The following TRPC1 variants were observed in gnomAD, a reference collection of about 807,000 sequenced individuals.
TRPC1 encodes transient receptor potential cation channel subfamily C member 1, also known as short transient receptor potential channel 1.
A neutral mutation model predicts 88.2 loss-of-function variants in TRPC1; 42 were observed. The ratio of observed to expected loss-of-function variants is 0.48; its 90% CI spans 0.37 to 0.62. The LOEUF is 0.62. Ranked by LOEUF, TRPC1 falls within the 20% of genes least tolerant of loss-of-function variation. The pLI is 0.00. For missense variants in TRPC1, 699 were observed against 957.3 expected (o/e 0.73, Z 3.56); for synonymous variants, 288 against 331.8 (o/e 0.87, Z 1.43).
At chr3:142,779,765 T>C (rs1935899869) in intron 5 of TRPC1, among the ~76,000 whole-genome samples, 1 of 152,196 alleles carries the variant, frequency 6.6e-6, no homozygotes, top group African/African-American at 2.4e-5. Flanking sequence ...AACATTATTT[T>C]CTGAAGCCCA....
intron 4 of TRPC1, among the ~76,000 whole-genome samples, chr3:142,771,833 T>A (rs1935590503): frequency 6.6e-6 from 1 of 152,212 alleles, no homozygotes; most frequent in African/African-American, 2.4e-5. Flanking sequence ...CTTGCTTTTA[T>A]ATTTATTGTA....
Position 142,794,256 on chromosome 3 carries a change from GA to G in TRPC1, c.1581+1290del, listed in dbSNP as rs140854870. Reference sequence around the variant, plus strand: ...TCTACAGTGTTTTTACATGCACATTGATTTTTTTTTAACTGAAAATGGACGA... The same window carrying G: ...TCTACAGTGTTTTTACATGCACATTGTTTTTTTTTAACTGAAAATGGACGA... On this transcript the variant is annotated intron_variant, in intron 9 of 12. Transcript: ENST00000476941. Among the ~76,000 whole-genome samples, 698 of 151,948 alleles carry G rather than the reference GA, an allele frequency of 4.6e-3. 25 individuals are homozygous for G. In the East Asian group the frequency reaches 0.089, roughly 19 times the overall value.
intron 9 of TRPC1, chr3:142,793,897 C>A (rs991221454): frequency 4.1e-6 from 4 of 985,120 alleles, no homozygotes; most frequent in Non-Finnish European, 4.8e-6. Flanking sequence ...GTGCTGTCAT[C>A]CAGCAACAGT....
chr3:142,771,312 T>C (rs1334373381), intron 4 of TRPC1, among the ~76,000 whole-genome samples: 2 of 152,180 alleles, frequency 1.3e-5, no homozygotes, highest in African/African-American at 4.8e-5. Context: ...TCATATATAT[T>C]GTAACTTGTC....
At chr3:142,769,888 G>A (rs1289653286) in intron 4 of TRPC1, among the ~76,000 whole-genome samples, 1 of 151,974 alleles carries the variant, frequency 6.6e-6, no homozygotes, top group Admixed American at 6.6e-5. Flanking sequence ...TGTCTGTTAC[G>A]TCTAGTTCAT....
At chr3:142,800,310 C>T (rs551073866) in intron 9 of TRPC1, among the ~76,000 whole-genome samples, 4 of 152,290 alleles carry the variant, frequency 2.6e-5, no homozygotes, top group African/African-American at 9.6e-5. Flanking sequence ...AAAAGTACCA[C>T]ATGGTCTAGT....
chr3:142,788,019 G>A (rs190702672), intron 7 of TRPC1, among the ~76,000 whole-genome samples: 68 of 152,286 alleles, frequency 4.5e-4, no homozygotes, highest in Admixed American at 1.6e-3. Flanking sequence ...GGAGAACCAG[G>A]AGAGCTTGAT....
intron 3 of TRPC1, 54 bp from the exon 4 acceptor site, chr3:142,748,204 T>C: frequency 7.1e-7 from 1 of 1,411,018 alleles, no homozygotes; most frequent in South Asian, 1.2e-5. Flanking sequence ...CAGATAAATA[T>C]ATTTTTTGAA....
chr3:142,805,977 A>T (rs368402439), intron 12 of TRPC1, 31 bp from the exon 13 acceptor site: 1 of 1,578,748 alleles, frequency 6.3e-7, no homozygotes, highest in South Asian at 1.1e-5. Flanking sequence ...TCGTTTCTGC[A>T]TATCCTTAGT....
chr3:142,743,977 A>G (rs1201955745), intron 3 of TRPC1, among the ~76,000 whole-genome samples: 1 of 152,172 alleles, frequency 6.6e-6, no homozygotes, highest in Non-Finnish European at 1.5e-5. Context: ...CATAAAAGCA[A>G]TGGACAGAAA....
chr3:142,737,832 T>A (rs1163510072), intron 2 of TRPC1, among the ~76,000 whole-genome samples: 1 of 152,190 alleles, frequency 6.6e-6, no homozygotes, highest in South Asian at 2.1e-4. Flanking sequence ...GAAGAAAGAC[T>A]GTATATATGT....
chr3:142,762,427 G>GGTT (rs1935216280), intron 4 of TRPC1, among the ~76,000 whole-genome samples: 1 of 123,334 alleles, frequency 8.1e-6, no homozygotes, highest in Non-Finnish European at 1.7e-5. Flanking sequence ...GTTTATTCTT[G>GGTT]ATTTTTTTTT....
chr3:142,727,241 A>G (rs1184347348), intron 1 of TRPC1, among the ~76,000 whole-genome samples: 2 of 152,182 alleles, frequency 1.3e-5, no homozygotes, highest in Non-Finnish European at 2.9e-5. Context: ...GAGTAAATCA[A>G]CTCTAGAGTA....
At chr3:142,757,499 G>C (rs1322301235) in intron 4 of TRPC1, among the ~76,000 whole-genome samples, 1 of 152,016 alleles carries the variant, frequency 6.6e-6, no homozygotes, top group Non-Finnish European at 1.5e-5. Flanking sequence ...TCCTTTGTGG[G>C]GACATGGATG....
chr3:142,794,572 T>C (rs1936397212), intron 9 of TRPC1, among the ~76,000 whole-genome samples: 1 of 152,172 alleles, frequency 6.6e-6, no homozygotes, highest in Non-Finnish European at 1.5e-5. Flanking sequence ...TTTGTGAGAA[T>C]TTTTAGGCTA....
chr3:142,752,897 T>C (rs936020700), intron 4 of TRPC1, among the ~76,000 whole-genome samples: 1 of 152,210 alleles, frequency 6.6e-6, no homozygotes, highest in Admixed American at 6.5e-5. Flanking sequence ...CATGTTTTTG[T>C]GAGCTCCAAG....
intron 4 of TRPC1, among the ~76,000 whole-genome samples, chr3:142,752,241 T>C (rs1230927836): frequency 2.0e-5 from 3 of 152,216 alleles, no homozygotes; most frequent in Admixed American, 2.0e-4. Flanking sequence ...ATTATTTTCA[T>C]TATTTCAGCA....
intron 5 of TRPC1, among the ~76,000 whole-genome samples, chr3:142,780,556 G>A (rs757953913): frequency 9.2e-5 from 14 of 152,224 alleles, no homozygotes; most frequent in African/African-American, 3.4e-4. Flanking sequence ...AATATTATTA[G>A]AATTTTTAGG....
intron 9 of TRPC1, among the ~76,000 whole-genome samples, chr3:142,800,169 G>A (rs1332560149): frequency 2.6e-5 from 4 of 152,130 alleles, no homozygotes; most frequent in Non-Finnish European, 4.4e-5. Context: ...ATCCAATAAA[G>A]CTGTCATTGA....
Sources: allele counts gnomAD v4.1 joint callset (sites outside exome capture counted in the v4.1 genomes callset), GRCh38; gene constraint gnomAD v4.1.1; transcripts MANE v1.5; gene names NCBI Gene and HGNC (gene_info 2026-07-23, HGNC 2026-07-21).